PIP4P2: variants seen among roughly 807,000 people sequenced by gnomAD.
PIP4P2 encodes phosphatidylinositol-4,5-bisphosphate 4-phosphatase 2.
PIP4P2 carries 19 observed loss-of-function variants against 33.3 expected under a neutral mutation model. The ratio of observed to expected loss-of-function variants is 0.57; its 90% CI spans 0.40 to 0.84. PIP4P2 has a LOEUF of 0.84. PIP4P2 is among the 40% of genes least tolerant of loss of function. The pLI is 0.00. For missense variants in PIP4P2, 270 were observed against 324.7 expected (o/e 0.83, Z 1.29); for synonymous variants, 110 against 111.9 (o/e 0.98, Z 0.11).
At chr8:91,004,393 G>T (rs909965850) in intron 5 of PIP4P2, among the ~76,000 whole-genome samples, 6 of 151,914 alleles carry the variant, frequency 3.9e-5, no homozygotes, top group Admixed American at 2.0e-4. Flanking sequence ...TCTCCATTCA[G>T]TCCACTGTCT....
At position 91,035,163 on chromosome 8, in the gene PIP4P2, G is replaced by T. The variant is rs1812218306; in HGVS notation, c.106+5481C>A. On this transcript the variant is annotated intron_variant, in intron 1 of 6. Transcript: ENST00000285419. ...ATTACATGTTTTTTAAAGGTGAAAA[G>T]GATATGGCAATGTCTTCTAAAACAC... Among the ~76,000 whole-genome samples, 3 of 152,134 alleles carry T rather than the reference G, an allele frequency of 2.0e-5. No homozygotes were observed. The South Asian group carries it at 6.2e-4, about 31-fold the overall frequency.
At chr8:91,037,938 C>T (rs887715979) in intron 1 of PIP4P2, among the ~76,000 whole-genome samples, 18 of 152,102 alleles carry the variant, frequency 1.2e-4, no homozygotes, top group Non-Finnish European at 2.6e-4. Flanking sequence ...TTCAGATGAG[C>T]CTAAAACTCT....
intron 2 of PIP4P2, 135 bp from the exon 3 acceptor site, chr8:91,020,398 T>G: frequency 1.2e-6 from 1 of 813,740 alleles, no homozygotes; most frequent in Middle Eastern, 2.6e-4. Flanking sequence ...GGTTTTATTT[T>G]ATGATTTTTC....
At chr8:91,008,495 A>C (rs1246557027) in intron 5 of PIP4P2, among the ~76,000 whole-genome samples, 1 of 152,192 alleles carries the variant, frequency 6.6e-6, no homozygotes, top group Non-Finnish European at 1.5e-5. Flanking sequence ...AATTTTTAGC[A>C]ATTTCACTTT....
intron 4 of PIP4P2, among the ~76,000 whole-genome samples, chr8:91,013,737 T>A (rs57710051): frequency 2.1e-4 from 32 of 152,220 alleles, no homozygotes; most frequent in African/African-American, 7.2e-4. Flanking sequence ...GGTCTCTATG[T>A]TGCCCAGGCT....
At chr8:91,003,678 C>G (rs769499074) in intron 5 of PIP4P2, among the ~76,000 whole-genome samples, 7 of 151,968 alleles carry the variant, frequency 4.6e-5, no homozygotes, top group Non-Finnish European at 1.0e-4. Context: ...ATATTTAAAT[C>G]TGAAGCTCCA....
intron 3 of PIP4P2, among the ~76,000 whole-genome samples, chr8:91,018,922 T>C (rs1440825010): frequency 2.6e-5 from 4 of 152,160 alleles, no homozygotes; most frequent in African/African-American, 4.8e-5. Flanking sequence ...TACAACCAAA[T>C]TTCTCTGAGC....
intron 5 of PIP4P2, among the ~76,000 whole-genome samples, chr8:90,998,728 T>C (rs1465444148): frequency 6.6e-6 from 1 of 152,086 alleles, no homozygotes. Flanking sequence ...ACATTGAAAC[T>C]GGACTCCTTC....
At chr8:91,027,483 C>A (rs115749185) in intron 1 of PIP4P2, among the ~76,000 whole-genome samples, 1,570 of 152,172 alleles carry the variant, frequency 0.01, 29 homozygotes, top group African/African-American at 0.035. Flanking sequence ...GGTCAAATCT[C>A]AACATGTTTC....
Position 91,021,080 on chromosome 8 carries a change from T to C in PIP4P2, c.255+176A>G, listed in dbSNP as rs573034090. Among the ~76,000 whole-genome samples the C allele has an allele frequency of 7.9e-5, 12 of 152,308 alleles. No individual in the cohort carries two copies. In the East Asian group the frequency reaches 1.5e-3, roughly 20 times the overall value. On this transcript the variant is annotated intron_variant, in intron 2 of 6. Transcript: ENST00000285419. ...GAAATTCTCTTAATGGGGTTAGCTT[T>C]AAACACAGTGAGGTATCCTATGATG...
intron 1 of PIP4P2, among the ~76,000 whole-genome samples, chr8:91,038,551 A>C (rs1380290347): frequency 6.6e-6 from 1 of 152,168 alleles, no homozygotes; most frequent in Non-Finnish European, 1.5e-5. Context: ...TATAGTCTTC[A>C]TGAGGGTATG....
chr8:90,995,903 G>A (rs1412116086), intron 6 of PIP4P2, 83 bp from the exon 7 acceptor site: 8 of 1,415,950 alleles, frequency 5.6e-6, no homozygotes, highest in African/African-American at 4.4e-5. Flanking sequence ...GCTTACATGT[G>A]ATTGTTATGA....
intron 6 of PIP4P2, 113 bp downstream of exon 6, chr8:90,996,541 G>T: frequency 1.4e-6 from 1 of 732,054 alleles, no homozygotes; most frequent in Non-Finnish European, 2.2e-6. Flanking sequence ...TCTAGTGCTG[G>T]CATGCCAAGG....
intron 6 of PIP4P2, 38 bp from the exon 7 acceptor site, chr8:90,995,858 A>C (rs1811622368): frequency 6.4e-7 from 1 of 1,563,634 alleles, no homozygotes; most frequent in Admixed American, 2.0e-5. Context: ...AATATTAGAA[A>C]CTTTAAAAAA....
chr8:91,025,810 G>C (rs1812075783), intron 1 of PIP4P2, among the ~76,000 whole-genome samples: 1 of 152,122 alleles, frequency 6.6e-6, no homozygotes, highest in Non-Finnish European at 1.5e-5. Context: ...GCAGAATGTA[G>C]GTTAGGGACA....
rs563244134 is a variant in PIP4P2 at position 91,023,274 on chromosome 8, A to G, written c.107-1870T>C. On this transcript the variant is annotated intron_variant, in intron 1 of 6. Coordinates refer to ENST00000285419, the MANE Select transcript of PIP4P2 (RefSeq NM_018710.3). The stretch of plus-strand genomic sequence containing the variant: ...CCTTTTCCTTGAGTTGTACAGTAAC[A>G]TTACATAGTTCTCTCGTAATCCCAG... Among the ~76,000 whole-genome samples, 93 of 151,810 alleles carry G rather than the reference A, an allele frequency of 6.1e-4. 1 individual carries two copies. In the South Asian group the frequency reaches 0.019, roughly 31 times the overall value.
At chr8:91,028,677 G>A (rs1172283952) in intron 1 of PIP4P2, among the ~76,000 whole-genome samples, 6 of 152,178 alleles carry the variant, frequency 3.9e-5, no homozygotes, top group South Asian at 4.1e-4. Context: ...GGCAGTCCCC[G>A]GAACTGATAC....
chr8:91,006,250 C>G (rs1811761313), intron 5 of PIP4P2, among the ~76,000 whole-genome samples: 1 of 152,166 alleles, frequency 6.6e-6, no homozygotes, highest in Admixed American at 6.6e-5. Flanking sequence ...TATTTGCACT[C>G]AAATAAGTAA....
chr8:91,010,398 T>C (rs1255957127), intron 4 of PIP4P2, among the ~76,000 whole-genome samples: 2 of 151,888 alleles, frequency 1.3e-5, no homozygotes, highest in Admixed American at 6.6e-5. Context: ...CAGACTGACA[T>C]AGGAATTTCA....
Sources: gnomAD v4.1 joint callset for allele counts (sites outside exome capture counted in the v4.1 genomes callset) on GRCh38, gnomAD v4.1.1 for gene constraint, MANE v1.5 for transcripts, NCBI Gene and HGNC (gene_info 2026-07-23, HGNC 2026-07-21) for gene names.